Variants in SGCD observed in about 807,000 individuals in gnomAD.
SGCD encodes sarcoglycan delta, also known as delta-sarcoglycan.
In SGCD, 18 loss-of-function variants were observed where a neutral mutation model predicts 36.6. The ratio of observed to expected loss-of-function variants is 0.49; its 90% CI spans 0.34 to 0.73. The LOEUF is 0.73. Among genes scored for constraint, SGCD ranks in the 30% least tolerant of loss-of-function variants. The pLI is 0.01. For synonymous variants in SGCD, 133 were observed against 130.6 expected (o/e 1.02, Z -0.12); for missense variants, 387 against 346.7 (o/e 1.12, Z -0.92).
intron 1 of SGCD, among the ~76,000 whole-genome samples, chr5:155,880,310 G>C (rs1359532523): frequency 6.6e-6 from 1 of 152,162 alleles, no homozygotes; most frequent in Non-Finnish European, 1.5e-5. Context: ...TCAAGTTTCT[G>C]ATGATACCAC....
chr5:156,682,125 A>G (rs1648633638), intron 7 of SGCD, among the ~76,000 whole-genome samples: 2 of 152,248 alleles, frequency 1.3e-5, no homozygotes, highest in African/African-American at 4.8e-5. Flanking sequence ...GGTAAGGATC[A>G]AACATGGTAC....
chr5:156,162,753 A>G (rs1581139090), intron 3 of SGCD, among the ~76,000 whole-genome samples: 1 of 151,672 alleles, frequency 6.6e-6, no homozygotes, highest in Admixed American at 6.6e-5. Flanking sequence ...GCAGAAAGCA[A>G]TTCACATGCA....
At chr5:156,272,476 G>T (rs1242661292) in intron 3 of SGCD, among the ~76,000 whole-genome samples, 1 of 152,142 alleles carries the variant, frequency 6.6e-6, no homozygotes, top group Non-Finnish European at 1.5e-5. Context: ...TGTGCTGCTA[G>T]AAGCATGTGT....
At chr5:156,310,652 T>C (rs531445329) in intron 3 of SGCD, among the ~76,000 whole-genome samples, 34 of 152,390 alleles carry the variant, frequency 2.2e-4, no homozygotes, top group Non-Finnish European at 4.6e-4. Context: ...GAAAGATTTC[T>C]GGTGCTTCTT....
the SGCD span, among the ~76,000 whole-genome samples, chr5:155,862,874 G>T: frequency 2.6e-5 from 4 of 152,102 alleles, no homozygotes; most frequent in African/African-American, 9.7e-5. Context: ...TATCTTTCTG[G>T]TTTCAGCCAT....
At chr5:156,444,117 C>CCT in intron 3 of SGCD, among the ~76,000 whole-genome samples, 1 of 41,454 alleles carries the variant, frequency 2.4e-5, no homozygotes, top group South Asian at 9.0e-4. Flanking sequence ...TCTCTCTCTC[C>CCT]CCTTCCCTCT....
the SGCD span, among the ~76,000 whole-genome samples, chr5:155,777,954 A>G: frequency 6.6e-6 from 1 of 152,082 alleles, no homozygotes; most frequent in Admixed American, 6.6e-5. Context: ...CATGGTTTGT[A>G]ATGTGGATTT....
At chr5:156,258,340 C>T (rs1333834398) in intron 3 of SGCD, among the ~76,000 whole-genome samples, 1 of 152,144 alleles carries the variant, frequency 6.6e-6, no homozygotes, top group Non-Finnish European at 1.5e-5. Context: ...CCAGTATTCT[C>T]TAAATGATCA....
chr5:155,774,598 T>G, the SGCD span, among the ~76,000 whole-genome samples: 1 of 152,112 alleles, frequency 6.6e-6, no homozygotes, highest in South Asian at 2.1e-4. Flanking sequence ...GCTGCCAGCA[T>G]TCCATGGCTC....
intron 3 of SGCD, among the ~76,000 whole-genome samples, chr5:156,197,928 G>A (rs374802915): frequency 5.9e-5 from 9 of 152,138 alleles, no homozygotes; most frequent in African/African-American, 1.2e-4. Flanking sequence ...ACCTACTTAC[G>A]TAATTAGCAT....
At chr5:155,750,139 G>A in the SGCD span, among the ~76,000 whole-genome samples, 2 of 152,068 alleles carry the variant, frequency 1.3e-5, no homozygotes, top group Non-Finnish European at 2.9e-5. Context: ...AGAGTCTTAG[G>A]AGCCTAACAA....
intron 4 of SGCD, among the ~76,000 whole-genome samples, chr5:156,571,771 T>C (rs1042832024): frequency 6.6e-6 from 1 of 152,226 alleles, no homozygotes; most frequent in Non-Finnish European, 1.5e-5. Flanking sequence ...ACACATGATA[T>C]AAAATTTACC....
chr5:156,739,141 A>AAAGAT (rs1756532932), intron 7 of SGCD, among the ~76,000 whole-genome samples: 1 of 152,164 alleles, frequency 6.6e-6, no homozygotes, highest in Non-Finnish European at 1.5e-5. Context: ...AAGTTCAGTG[A>AAAGAT]AAGATAACAC....
intron 3 of SGCD, among the ~76,000 whole-genome samples, chr5:156,390,484 T>C (rs1237869182): frequency 6.6e-6 from 1 of 152,208 alleles, no homozygotes; most frequent in East Asian, 1.9e-4. Flanking sequence ...TCCCAGCACT[T>C]TGGGAGGCCA....
At chr5:156,416,679 C>G (rs1773054595) in intron 3 of SGCD, among the ~76,000 whole-genome samples, 1 of 152,260 alleles carries the variant, frequency 6.6e-6, no homozygotes, top group African/African-American at 2.4e-5. Flanking sequence ...CTTGGACAAA[C>G]TCCTTCATCT....
At chr5:156,700,788 A>G (rs570971175) in intron 7 of SGCD, among the ~76,000 whole-genome samples, 1 of 152,172 alleles carries the variant, frequency 6.6e-6, no homozygotes, top group East Asian at 1.9e-4. Flanking sequence ...TACAAAAAAT[A>G]GAAAATTAGC....
chr5:156,220,217 A>G (rs969291061), intron 3 of SGCD, among the ~76,000 whole-genome samples: 2 of 152,124 alleles, frequency 1.3e-5, no homozygotes, highest in Non-Finnish European at 2.9e-5. Context: ...CTTTATTAAT[A>G]TGTATTTCTG....
At chr5:155,840,203 C>T in the SGCD span, among the ~76,000 whole-genome samples, 995 of 151,428 alleles carry the variant, frequency 6.6e-3, 6 homozygotes, top group Non-Finnish European at 0.012. Context: ...CTCCTGTGTC[C>T]CTTGACACAT....
intron 3 of SGCD, among the ~76,000 whole-genome samples, chr5:156,126,457 C>T (rs994594659): frequency 2.0e-5 from 3 of 152,172 alleles, no homozygotes; most frequent in African/African-American, 7.2e-5. Flanking sequence ...GAAAATAAAG[C>T]TCCCTCTGAT....
Sources: allele counts gnomAD v4.1 joint callset (sites outside exome capture counted in the v4.1 genomes callset), GRCh38; gene constraint gnomAD v4.1.1; transcripts MANE v1.5; gene names NCBI Gene and HGNC (gene_info 2026-07-23, HGNC 2026-07-21).